Variants in TNFRSF13B observed in about 807,000 individuals in gnomAD.
TNFRSF13B encodes tumor necrosis factor receptor superfamily member 13B.
In TNFRSF13B, 34 loss-of-function variants were observed where a neutral mutation model predicts 24.0. The observed-to-expected ratio is 1.41, with a 90% CI of 1.08 to 1.88. The LOEUF is 1.88. Ranked by LOEUF, TNFRSF13B falls within the 40% of genes most tolerant of loss-of-function variation. The pLI is 0.00. For missense variants in TNFRSF13B, 415 were observed against 380.8 expected (o/e 1.09, Z -0.75); for synonymous variants, 173 against 150.3 (o/e 1.15, Z -1.10).
chr17:16,941,690 T>A (rs2087511317), intron 3 of TNFRSF13B, among the ~76,000 whole-genome samples: 1 of 152,224 alleles, frequency 6.6e-6, no homozygotes, highest in Non-Finnish European at 1.5e-5. Context: ...CACAAGGTTG[T>A]GCAGCAATGG....
chr17:16,971,388 A>AAAC (rs1567658307), intron 1 of TNFRSF13B, among the ~76,000 whole-genome samples: 1 of 132,086 alleles, frequency 7.6e-6, no homozygotes, highest in East Asian at 2.5e-4. Flanking sequence ...AACAAAAAAA[A>AAAC]AGAAAGCTAT....
intron 2 of TNFRSF13B, among the ~76,000 whole-genome samples, chr17:16,950,563 ATC>A (rs2143659482): frequency 6.6e-6 from 1 of 152,248 alleles, no homozygotes; most frequent in South Asian, 2.1e-4. Flanking sequence ...GCCCTGCCCT[ATC>A]CCCAGGGCGC....
At chr17:16,941,006 G>T in intron 3 of TNFRSF13B, 1 of 912,588 alleles carries the variant, frequency 1.1e-6, no homozygotes, top group Non-Finnish European at 1.3e-6. Flanking sequence ...AAGACGGCCT[G>T]GCATTTGCAT....
At chr17:16,958,498 A>T (rs1028697978) in intron 1 of TNFRSF13B, among the ~76,000 whole-genome samples, 1 of 152,090 alleles carries the variant, frequency 6.6e-6, no homozygotes, top group African/African-American at 2.4e-5. Flanking sequence ...AGATTAAAAA[A>T]AAATACAAAG....
intron 3 of TNFRSF13B, among the ~76,000 whole-genome samples, chr17:16,942,641 G>T (rs956382085): frequency 6.6e-6 from 1 of 152,234 alleles, no homozygotes; most frequent in African/African-American, 2.4e-5. Context: ...GGAGGCATGA[G>T]CAGGGGAGAC....
chr17:16,950,580 G>C (rs2087582120), intron 2 of TNFRSF13B, among the ~76,000 whole-genome samples: 1 of 152,166 alleles, frequency 6.6e-6, no homozygotes, highest in Admixed American at 6.5e-5. Context: ...GGGCGCCCCT[G>C]AACCGCACAG....
chr17:16,953,037 T>G (rs541199964), intron 1 of TNFRSF13B, among the ~76,000 whole-genome samples: 20 of 152,318 alleles, frequency 1.3e-4, no homozygotes, highest in Middle Eastern at 6.8e-3. Flanking sequence ...ACTCACCCCC[T>G]AGACTAGGAC....
intron 1 of TNFRSF13B, among the ~76,000 whole-genome samples, chr17:16,955,034 C>T (rs1263694579): frequency 1.3e-5 from 2 of 152,230 alleles, no homozygotes; most frequent in Non-Finnish European, 2.9e-5. Flanking sequence ...TCTGGGAAAA[C>T]AGACCCAAAG....
chr17:16,967,632 G>C (rs1273237050), intron 1 of TNFRSF13B, among the ~76,000 whole-genome samples: 1 of 150,506 alleles, frequency 6.6e-6, no homozygotes. Context: ...GGTGCCTGTA[G>C]TCCCAGCTAT....
chr17:16,955,799 G>A (rs964006676), intron 1 of TNFRSF13B, among the ~76,000 whole-genome samples: 5 of 152,250 alleles, frequency 3.3e-5, no homozygotes, highest in Non-Finnish European at 7.3e-5. Flanking sequence ...CACTATTTGG[G>A]AACTGTGGAG....
chr17:16,956,746 T>C (rs2087627534), intron 1 of TNFRSF13B, among the ~76,000 whole-genome samples: 1 of 152,172 alleles, frequency 6.6e-6, no homozygotes, highest in Non-Finnish European at 1.5e-5. Flanking sequence ...TATTACTAAG[T>C]GAGAGAAACA....
chr17:16,947,934 C>A (rs1316665136), intron 3 of TNFRSF13B, among the ~76,000 whole-genome samples: 1 of 152,170 alleles, frequency 6.6e-6, no homozygotes, highest in Admixed American at 6.5e-5. Context: ...ATAGCAAAGA[C>A]ATGGAATCAA....
intron 1 of TNFRSF13B, among the ~76,000 whole-genome samples, chr17:16,967,572 C>A (rs1038337849): frequency 2.7e-5 from 4 of 150,100 alleles, no homozygotes; most frequent in Non-Finnish European, 5.9e-5. Context: ...TAGTGAAACC[C>A]CGTCTCTACT....
At chr17:16,945,608 G>GCAT (rs2087542355) in intron 3 of TNFRSF13B, among the ~76,000 whole-genome samples, 1 of 152,210 alleles carries the variant, frequency 6.6e-6, no homozygotes, top group Admixed American at 6.5e-5. Context: ...AGTTTCAAAT[G>GCAT]CATCACTGGA....
chr17:16,951,987 G>A (rs1293303832), intron 2 of TNFRSF13B, among the ~76,000 whole-genome samples: 1 of 152,152 alleles, frequency 6.6e-6, no homozygotes, highest in African/African-American at 2.4e-5. Context: ...TAAACAATTT[G>A]TGAAGCTGGT....
intron 3 of TNFRSF13B, among the ~76,000 whole-genome samples, chr17:16,943,128 C>A (rs765464386): frequency 3.3e-5 from 5 of 152,184 alleles, no homozygotes; most frequent in Admixed American, 1.3e-4. Context: ...CATGACAGAC[C>A]CCAAGCAAGA....
intron 1 of TNFRSF13B, among the ~76,000 whole-genome samples, chr17:16,953,774 C>CT (rs34292412): frequency 0.038 from 5,741 of 150,574 alleles, 133 homozygotes; most frequent in South Asian, 0.11. Flanking sequence ...TATGTTTGTT[C>CT]TTTTTTTTTT....
intron 1 of TNFRSF13B, among the ~76,000 whole-genome samples, chr17:16,961,659 G>C (rs2087663461): frequency 6.6e-6 from 1 of 152,154 alleles, no homozygotes; most frequent in Admixed American, 6.5e-5. Context: ...AGTGGTGCTT[G>C]TGCATGTACG....
At chr17:16,948,042 A>C (rs2087561233) in intron 3 of TNFRSF13B, among the ~76,000 whole-genome samples, 1 of 152,240 alleles carries the variant, frequency 6.6e-6, no homozygotes, top group South Asian at 2.1e-4. Flanking sequence ...TTTTGCAGCA[A>C]CATGGATGCA....
Sources: gnomAD v4.1 joint callset for allele counts (sites outside exome capture counted in the v4.1 genomes callset) on GRCh38, gnomAD v4.1.1 for gene constraint, MANE v1.5 for transcripts, NCBI Gene and HGNC (gene_info 2026-07-23, HGNC 2026-07-21) for gene names.